The following FRY variants were observed in gnomAD, a reference collection of about 807,000 sequenced individuals.
FRY encodes FRY microtubule binding protein.
FRY carries 128 observed loss-of-function variants against 348.4 expected under a neutral mutation model. The ratio of observed to expected loss-of-function variants is 0.37; its 90% CI spans 0.32 to 0.43. FRY has a LOEUF of 0.43. FRY is among the 20% of genes least tolerant of loss of function. The probability of loss-of-function intolerance (pLI) is 1.00; values close to 1 mark genes in which losing one functional copy is unlikely to be tolerated. For synonymous variants in FRY, 1,370 were observed against 1,374.7 expected (o/e 1.00, Z 0.08); for missense variants, 2,736 against 3,695.2 (o/e 0.74, Z 6.73).
intron 39 of FRY, among the ~76,000 whole-genome samples, chr13:32,228,011 A>G (rs1885686532): frequency 6.6e-6 from 1 of 152,154 alleles, no homozygotes; most frequent in African/African-American, 2.4e-5. Flanking sequence ...CAGCCTCCCA[A>G]AGTGCTGGGA....
chr13:32,188,618 C>T (rs989469416), intron 28 of FRY, among the ~76,000 whole-genome samples: 8 of 152,062 alleles, frequency 5.3e-5, no homozygotes, highest in African/African-American at 1.4e-4. Flanking sequence ...AGTCAACAAG[C>T]GAAATTCCTT....
intron 40 of FRY, among the ~76,000 whole-genome samples, chr13:32,229,105 A>AAG (rs1230016770): frequency 1.2e-4 from 18 of 152,218 alleles, no homozygotes; most frequent in African/African-American, 3.6e-4. Flanking sequence ...ATCTGGTCCA[A>AAG]AGAGTCATTT....
At chr13:32,170,962 A>G (rs1302236985) in intron 17 of FRY, 50 bp from the exon 18 acceptor site, 3 of 1,303,256 alleles carry the variant, frequency 2.3e-6, no homozygotes, top group Non-Finnish European at 2.2e-6. Flanking sequence ...TAGCTCTAGA[A>G]GACCAGTTAA....
At chr13:32,190,696 A>G (rs558948823) in intron 28 of FRY, among the ~76,000 whole-genome samples, 300 of 152,298 alleles carry the variant, frequency 2.0e-3, no homozygotes, top group African/African-American at 6.7e-3. Flanking sequence ...AATAAATGGA[A>G]GAATATACCA....
Position 32,157,299 on chromosome 13 carries a change from C to T in FRY, c.1678C>T (p.Arg560Ter). 1.2e-6 allele frequency: 2 copies of T among 1,612,398 alleles called. No individual in the cohort carries two copies. Among genetic ancestry groups the T allele is most frequent in the Non-Finnish European group, 1.7e-6 (2 of 1,178,688 alleles). Residue 560 changes from arginine to a stop codon, truncating the protein, a stop_gained, in exon 16 of 61, where the codon CGA becomes TGA. Transcript: ENST00000542859. LOFTEE classifies it high-confidence loss of function. ...CATGTCCTTATATTACTCTCAAGTA[C>T]GAAAAGCTGTAGACAACATTTTAAG... ...IGMSLYYSQV[R>*]KAVDNILRHL...
chr13:32,099,105 G>T (rs530478619), intron 2 of FRY, among the ~76,000 whole-genome samples: 2 of 151,856 alleles, frequency 1.3e-5, no homozygotes, highest in Non-Finnish European at 2.9e-5. Context: ...CAGTGAGAGG[G>T]TCTATGTGAG....
intron 1 of FRY, among the ~76,000 whole-genome samples, chr13:32,039,449 C>T (rs1183255188): frequency 6.6e-6 from 1 of 151,954 alleles, no homozygotes; most frequent in East Asian, 1.9e-4. Context: ...CTATGTCTGT[C>T]TGTCTCTCTC....
intron 6 of FRY, 38 bp downstream of exon 6, chr13:32,124,719 G>A: frequency 6.6e-7 from 1 of 1,519,366 alleles, no homozygotes; most frequent in South Asian, 1.1e-5. Flanking sequence ...TGAAGTTGGT[G>A]TTTAAAACTA....
chr13:32,241,324 C>T (rs987487025), intron 46 of FRY, among the ~76,000 whole-genome samples: 4 of 152,156 alleles, frequency 2.6e-5, no homozygotes, highest in Non-Finnish European at 4.4e-5. Flanking sequence ...GAGTATTATT[C>T]AGGAAGAAAT....
chr13:32,246,081 G>A (rs1438258219), intron 47 of FRY, among the ~76,000 whole-genome samples: 1 of 152,366 alleles, frequency 6.6e-6, no homozygotes, highest in Non-Finnish European at 1.5e-5. Context: ...CAGGTGGTCA[G>A]TTGACACCTT....
intron 34 of FRY, 78 bp downstream of exon 34, chr13:32,211,112 G>A: frequency 2.3e-6 from 3 of 1,320,896 alleles, no homozygotes; most frequent in Non-Finnish European, 3.3e-6. Context: ...AAGGATATGA[G>A]AATGTGTTTG....
intron 55 of FRY, among the ~76,000 whole-genome samples, chr13:32,269,459 G>A (rs867775423): frequency 6.6e-6 from 1 of 152,188 alleles, no homozygotes; most frequent in Non-Finnish European, 1.5e-5. Flanking sequence ...GGGAGGCCGA[G>A]GTGGGAGGAC....
chr13:32,262,655 T>G (rs377152099), intron 53 of FRY, among the ~76,000 whole-genome samples, 180 bp downstream of exon 53: 14 of 152,346 alleles, frequency 9.2e-5, no homozygotes, highest in African/African-American at 3.1e-4. Context: ...TGAAGTTGTT[T>G]TACCCCCACA....
chr13:32,041,251 C>G (rs1872731826), intron 1 of FRY, among the ~76,000 whole-genome samples: 1 of 143,536 alleles, frequency 7.0e-6, no homozygotes. Context: ...TATAGTATCA[C>G]TTGTTCTAAC....
chr13:32,170,100 C>T (rs1023460605), intron 17 of FRY, among the ~76,000 whole-genome samples: 17 of 152,124 alleles, frequency 1.1e-4, no homozygotes, highest in African/African-American at 3.9e-4. Context: ...CCAGACATTG[C>T]CAGATATCCC....
chr13:32,136,930 C>T lies in FRY; in HGVS notation c.1137C>T (p.Asn379=), dbSNP rs368149891. Residue 379 remains asparagine, a synonymous_variant, in exon 11 of 61, where the codon AAC becomes AAT. Coordinates refer to ENST00000542859, the MANE Select transcript of FRY (RefSeq NM_023037.3). ...LCVSQKQLFL[N]RWHIFLNNCL... ...TCAGTCAGAAGCAGCTGTTCCTGAA[C>T]AGGTGGCACATTTTCCTCAACAACT... The T allele has an allele frequency of 6.8e-6, 11 of 1,609,548 alleles. No individual in the cohort carries two copies. In the African/African-American group the frequency reaches 1.1e-4, roughly 16 times the overall value.
At chr13:32,240,698 G>A (rs1886455234) in intron 46 of FRY, among the ~76,000 whole-genome samples, 1 of 152,190 alleles carries the variant, frequency 6.6e-6, no homozygotes, top group Admixed American at 6.5e-5. Context: ...GCAAATGACT[G>A]GTAATCGCTA....
chr13:32,281,655 A>G (rs1226226293), intron 58 of FRY, among the ~76,000 whole-genome samples: 4 of 152,224 alleles, frequency 2.6e-5, no homozygotes, highest in Non-Finnish European at 5.9e-5. Flanking sequence ...ACTGGTAACC[A>G]GAGAACTCAA....
intron 1 of FRY, among the ~76,000 whole-genome samples, chr13:32,063,456 C>G (rs1490865974): frequency 6.6e-6 from 1 of 151,996 alleles, no homozygotes; most frequent in South Asian, 2.1e-4. Flanking sequence ...TTGACCATGA[C>G]CCACAGTAAG....
Sources: allele counts gnomAD v4.1 joint callset (sites outside exome capture counted in the v4.1 genomes callset), GRCh38; gene constraint gnomAD v4.1.1; transcripts MANE v1.5; gene names NCBI Gene and HGNC (gene_info 2026-07-23, HGNC 2026-07-21).